ABCB5: variants seen among roughly 807,000 people sequenced by gnomAD.
The protein encoded by ABCB5 is ATP-binding cassette sub-family B member 5.
ABCB5 carries 155 observed loss-of-function variants against 144.2 expected under a neutral mutation model. The ratio of observed to expected loss-of-function variants is 1.08; its 90% CI spans 0.94 to 1.23. ABCB5 has a LOEUF of 1.23. Among genes scored for constraint, ABCB5 ranks in the 50% most tolerant of loss-of-function variants. ABCB5 has a pLI of 0.00. For missense variants in ABCB5, 1,830 were observed against 1,520.8 expected, an observed-to-expected ratio of 1.20 and a Z score of -3.38; for synonymous variants, 610 against 528.6, an observed-to-expected ratio of 1.15 and a Z score of -2.11.
chr7:20,665,289 T>G (rs1194312856), intron 14 of ABCB5, among the ~76,000 whole-genome samples: 3 of 152,110 alleles, frequency 2.0e-5, no homozygotes, highest in African/African-American at 7.2e-5. Flanking sequence ...TTCCTGATAT[T>G]TTGCTATTTG....
At chr7:20,688,754 T>A (rs1314721022) in intron 16 of ABCB5, among the ~76,000 whole-genome samples, 1 of 151,996 alleles carries the variant, frequency 6.6e-6, no homozygotes, top group East Asian at 1.9e-4. Context: ...ATTAAGAAAA[T>A]GTGGCACATA....
At chr7:20,638,201 G>C (rs1205925475) in intron 5 of ABCB5, among the ~76,000 whole-genome samples, 1 of 151,986 alleles carries the variant, frequency 6.6e-6, no homozygotes, top group Non-Finnish European at 1.5e-5. Flanking sequence ...AATGTGAAAA[G>C]ATACAAATGC....
In ABCB5 at chr7:20,645,816, G is replaced by C. The variant is rs1255850879; in HGVS notation, c.739G>C (p.Glu247Gln). Residue 247 changes from glutamate to glutamine, a missense_variant, in exon 8 of 28, where the codon GAA becomes CAA. Physicochemically the swap from Glu to Gln is conservative, Grantham distance 29. Transcript: ENST00000404938. ...SAYSKAGAVA[E>Q]EVLSSIRTVI... Reference sequence around the variant, plus strand: ...CTATTCCAAAGCTGGGGCTGTGGCAGAAGAAGTCTTGTCATCAATCCGAAC... The same window carrying C: ...CTATTCCAAAGCTGGGGCTGTGGCACAAGAAGTCTTGTCATCAATCCGAAC... 6.2e-7 allele frequency: 1 copy of C among 1,613,868 alleles called. No homozygotes were observed. The highest frequency in any genetic ancestry group is 1.7e-5 in the Admixed American group (1 of 60,012).
chr7:20,646,541 T>A (rs1784415775), intron 9 of ABCB5, among the ~76,000 whole-genome samples: 1 of 152,190 alleles, frequency 6.6e-6, no homozygotes, highest in South Asian at 2.1e-4. Flanking sequence ...TCTGTAGAGT[T>A]TACACTCACC....
intron 12 of ABCB5, among the ~76,000 whole-genome samples, 200 bp from the exon 13 acceptor site, chr7:20,651,220 C>A (rs549748713): frequency 1.4e-4 from 22 of 152,220 alleles, no homozygotes; most frequent in African/African-American, 5.3e-4. Flanking sequence ...GCCAATTATT[C>A]TTTTGCAGTT....
rs754193916 is a variant in ABCB5 at position 20,645,847 on chromosome 7, T to C, written c.770T>C (p.Ile257Thr). Residue 257 changes from isoleucine (I) to threonine (T), a missense_variant, in exon 8 of 28, where the codon ATA becomes ACA. Coordinates refer to ENST00000404938, the MANE Select transcript of ABCB5 (RefSeq NM_001163941.2). ...GTCTTGTCATCAATCCGAACAGTCA[T>C]AGCCTTTAGGGCCCAGGAGAAAGAA... The part of the protein sequence containing the change: ...EEVLSSIRTV[I>T]AFRAQEKELQ... 5.6e-6 allele frequency: 9 copies of C among 1,613,752 alleles called. 1 individual carries two copies. The South Asian group carries it at 9.9e-5, about 18-fold the overall frequency.
At chr7:20,680,974 CTT>C (rs1363196728) in intron 14 of ABCB5, among the ~76,000 whole-genome samples, 1 of 10,892 alleles carries the variant, frequency 9.2e-5, no homozygotes, top group Non-Finnish European at 1.5e-4. Context: ...CTTTCTTTTT[CTT>C]TCTTTCTTTC....
intron 19 of ABCB5, among the ~76,000 whole-genome samples, chr7:20,703,791 C>G (rs1220994420): frequency 6.6e-6 from 1 of 152,132 alleles, no homozygotes; most frequent in Admixed American, 6.5e-5. Flanking sequence ...TCTCCATTTG[C>G]TGTTGAAAAT....
intron 21 of ABCB5, among the ~76,000 whole-genome samples, chr7:20,725,491 A>G (rs1782006623): frequency 6.6e-6 from 1 of 152,232 alleles, no homozygotes; most frequent in Non-Finnish European, 1.5e-5. Flanking sequence ...AGGCAGGAGA[A>G]TCACTTGAAG....
rs543830029 is a variant in ABCB5, at chr7:20,664,780, A to G, written c.1707+6104A>G. Among the ~76,000 whole-genome samples the G allele has an allele frequency of 2.6e-5, 4 of 152,338 alleles. No individual in the cohort carries two copies. In the East Asian group the frequency reaches 7.7e-4, roughly 29 times the overall value. ...TGTAAATTTCTCCACAAATACTTAA[A>G]TGATTAGCTTGTTAATAAAGTTAAG... On this transcript the variant is annotated intron_variant, in intron 14 of 27. Coordinates refer to ENST00000404938, the MANE Select transcript of ABCB5 (RefSeq NM_001163941.2).
chr7:20,701,463 T>C (rs1786625416), intron 19 of ABCB5, among the ~76,000 whole-genome samples: 1 of 152,230 alleles, frequency 6.6e-6, no homozygotes, highest in South Asian at 2.1e-4. Context: ...AGAATATAAA[T>C]TTTAATTTTT....
Position 20,647,450 on chromosome 7 carries a change from C to A in ABCB5, c.982-85C>A. 2.1e-6 allele frequency: 3 copies of A among 1,447,808 alleles called. No homozygotes were observed. The East Asian group carries it at 7.7e-5, about 37-fold the overall frequency. The allele number at this position is 1,447,808 out of a possible 1,614,324, so 89.7% of individuals were successfully genotyped here. On this transcript the variant is annotated intron_variant, in intron 9 of 27. Coordinates refer to ENST00000404938, the MANE Select transcript of ABCB5 (RefSeq NM_001163941.2). ...AATTCCTCTAATATCTCTCTGTGAG[C>A]CTAAACCAATAATTATATATTACAT...
chr7:20,639,245 C>T (rs1012567689), intron 5 of ABCB5, among the ~76,000 whole-genome samples: 1 of 152,094 alleles, frequency 6.6e-6, no homozygotes, highest in African/African-American at 2.4e-5. Context: ...TTTATAAATT[C>T]TGATTGCAAG....
At position 20,628,748 on chromosome 7, in the gene ABCB5, G is replaced by A. The variant is rs774669156; in HGVS notation, c.169G>A (p.Val57Ile). 2 of 1,613,672 alleles carry A rather than the reference G, an allele frequency of 1.2e-6. No homozygotes were observed. Among genetic ancestry groups the A allele is most frequent in the Admixed American group, 1.7e-5 (1 of 59,918 alleles). ...LMILGILASL[V>I]NGACLPLMPL... Reference sequence around the variant, plus strand: ...GATCCTGGGTATACTGGCATCACTGGTCAATGGAGCCTGCCTTCCTTTAAT... The same window carrying A: ...GATCCTGGGTATACTGGCATCACTGATCAATGGAGCCTGCCTTCCTTTAAT... Residue 57 changes from valine (V) to isoleucine (I), a missense_variant, in exon 4 of 28, where the codon GTC (valine) becomes ATC (isoleucine). Physicochemically the swap from Val to Ile is conservative, Grantham distance 29. Coordinates refer to ENST00000404938, the MANE Select transcript of ABCB5 (RefSeq NM_001163941.2).
At chr7:20,628,277 T>G (rs915345323) in intron 3 of ABCB5, among the ~76,000 whole-genome samples, 1 of 152,106 alleles carries the variant, frequency 6.6e-6, no homozygotes, top group Admixed American at 6.6e-5. Flanking sequence ...TCTGTCCTTG[T>G]AATAGTTTGC....
At chr7:20,698,729 T>C (rs1057476765) in intron 17 of ABCB5, among the ~76,000 whole-genome samples, 179 bp downstream of exon 17, 2 of 152,188 alleles carry the variant, frequency 1.3e-5, no homozygotes, top group Non-Finnish European at 2.9e-5. Context: ...CCAGCATCTC[T>C]TGTAAAGTGT....
chr7:20,751,681 C>A (rs1360509064), intron 26 of ABCB5, among the ~76,000 whole-genome samples: 1 of 152,154 alleles, frequency 6.6e-6, no homozygotes, highest in African/African-American at 2.4e-5. Flanking sequence ...TCCCACCTCC[C>A]TTCCCAATTT....
intron 5 of ABCB5, among the ~76,000 whole-genome samples, chr7:20,637,647 C>T (rs1245254322): frequency 2.0e-5 from 3 of 152,046 alleles, no homozygotes; most frequent in South Asian, 2.1e-4. Context: ...CTTGAACTCC[C>T]GACCTCAGGT....
intron 14 of ABCB5, among the ~76,000 whole-genome samples, chr7:20,680,748 T>C (rs769148307): frequency 6.6e-6 from 1 of 152,102 alleles, no homozygotes; most frequent in Non-Finnish European, 1.5e-5. Context: ...TGTAAAAAAG[T>C]TAAAAATATA....
Sources: allele counts gnomAD v4.1 joint callset (sites outside exome capture counted in the v4.1 genomes callset), GRCh38; gene constraint gnomAD v4.1.1; transcripts MANE v1.5; gene names NCBI Gene and HGNC (gene_info 2026-07-23, HGNC 2026-07-21).